Variants in CSMD1 observed in about 807,000 individuals in gnomAD.
CSMD1 encodes CUB and sushi domain-containing protein 1.
In CSMD1, 213 loss-of-function variants were observed where a neutral mutation model predicts 417.5. The ratio of observed to expected loss-of-function variants is 0.51; its 90% CI spans 0.46 to 0.57. The LOEUF (loss-of-function observed/expected upper bound fraction) is 0.57, where lower values mean the gene tolerates loss of function less well. CSMD1 is among the 20% of genes least tolerant of loss of function. The pLI is 0.00. For missense variants in CSMD1, 6,923 were observed against 4,529.7 expected (o/e 1.53, Z -15.17); for synonymous variants, 2,862 against 1,736.8 (o/e 1.65, Z -16.11).
At chr8:4,483,171 C>A (rs1280722337) in intron 2 of CSMD1, among the ~76,000 whole-genome samples, 2 of 152,120 alleles carry the variant, frequency 1.3e-5, no homozygotes, top group Non-Finnish European at 2.9e-5. Flanking sequence ...AAGGGGTAAT[C>A]CATTTCACTT....
At chr8:4,725,985 G>A (rs1044008531) in intron 1 of CSMD1, among the ~76,000 whole-genome samples, 2 of 152,048 alleles carry the variant, frequency 1.3e-5, no homozygotes, top group African/African-American at 2.4e-5. Context: ...TGGAATTTTG[G>A]TATCACGAAC....
chr8:3,772,189 T>TATATATATACAC (rs1377304281), intron 5 of CSMD1, among the ~76,000 whole-genome samples: 3 of 100,912 alleles, frequency 3.0e-5, no homozygotes, highest in African/African-American at 1.2e-4. Flanking sequence ...TATATATATA[T>TATATATATACAC]ACACACACAC....
intron 10 of CSMD1, among the ~76,000 whole-genome samples, chr8:3,548,648 G>A (rs920094041): frequency 7.5e-6 from 1 of 132,996 alleles, no homozygotes; most frequent in Non-Finnish European, 1.6e-5. Flanking sequence ...CGGCTGAGTG[G>A]TATTCCATCA....
intron 2 of CSMD1, among the ~76,000 whole-genome samples, chr8:4,467,123 AAAAAAAAAAAAAAAAAAG>A (rs1283669366): frequency 6.2e-5 from 5 of 80,430 alleles, no homozygotes; most frequent in Non-Finnish European, 8.6e-5. Flanking sequence ...TCTTCAGAGT[AAAAAAAAAAAAAAAAAAG>A]AAAAAAAAAG....
chr8:3,351,089 T>C (rs966134608), intron 21 of CSMD1, among the ~76,000 whole-genome samples: 2 of 152,242 alleles, frequency 1.3e-5, no homozygotes, highest in East Asian at 3.8e-4. Flanking sequence ...TCTATTAGTA[T>C]CTGAATAAGT....
In CSMD1 at chr8:3,075,923, C is replaced by T. The variant is rs533522437; in HGVS notation, c.7474+11174G>A. Among the ~76,000 whole-genome samples, 1,030 of 150,350 alleles carry T rather than the reference C, an allele frequency of 6.9e-3. 9 individuals are homozygous for T. Among genetic ancestry groups the T allele is most frequent in the Middle Eastern group, 0.017 (5 of 292 alleles). ...AAAATTAGCCGGGCGTGGTGGCGGG[C>T]GCCTGTAGTCCCAGCTCCTAGGGAC... is the stretch of plus-strand genomic sequence containing the variant. On this transcript the variant is annotated intron_variant, in intron 49 of 69. Transcript: ENST00000635120.
rs1805165715 is a variant in CSMD1, at chr8:3,867,220, A to T, written c.819-113178T>A. On this transcript the variant is annotated intron_variant, in intron 5 of 69. Transcript: ENST00000635120. Reference sequence around the variant, plus strand: ...TATAGACAAAAGAGTGAATTAATGCATGAATAAATTAGTAACTAGCTAGCT... The same window carrying T: ...TATAGACAAAAGAGTGAATTAATGCTTGAATAAATTAGTAACTAGCTAGCT... 2.0e-5 allele frequency among the ~76,000 whole-genome samples: 3 copies of T among 152,194 alleles called. No homozygotes were observed. The South Asian group carries it at 6.2e-4, about 31-fold the overall frequency.
chr8:3,473,486 C>A (rs1417467823), intron 11 of CSMD1, among the ~76,000 whole-genome samples: 1 of 151,822 alleles, frequency 6.6e-6, no homozygotes, highest in Non-Finnish European at 1.5e-5. Context: ...AACTTTTGTT[C>A]CTCTTTCTGG....
intron 1 of CSMD1, among the ~76,000 whole-genome samples, chr8:4,962,105 T>G (rs1809530690): frequency 1.5e-5 from 1 of 67,448 alleles, no homozygotes. Flanking sequence ...AAGTATGTAT[T>G]TTTTTGTTGT....
At chr8:4,498,583 C>A (rs1354250267) in intron 2 of CSMD1, among the ~76,000 whole-genome samples, 1 of 152,062 alleles carries the variant, frequency 6.6e-6, no homozygotes, top group East Asian at 1.9e-4. Context: ...AAAGATGATT[C>A]AATTATAAAA....
Position 3,569,654 on chromosome 8 carries a change from T to C in CSMD1, c.1344+5291A>G, listed in dbSNP as rs142314554. 5.0e-3 allele frequency among the ~76,000 whole-genome samples: 756 copies of C among 152,360 alleles called. 3 individuals carry two copies. The highest frequency in any genetic ancestry group is 0.024 in the Middle Eastern group (7 of 294). ...ATGTAACTGTTTCTCTTTTCTCTTA[T>C]GTTCAATACGTAATACACTTTCATC... On this transcript the variant is annotated intron_variant, in intron 10 of 69. Coordinates refer to ENST00000635120, the MANE Select transcript of CSMD1 (RefSeq NM_033225.6).
chr8:4,466,088 A>G (rs566595354), intron 2 of CSMD1, among the ~76,000 whole-genome samples: 35 of 152,330 alleles, frequency 2.3e-4, no homozygotes, highest in African/African-American at 7.9e-4. Context: ...GAGAGATTAA[A>G]TATCATGACA....
intron 3 of CSMD1, among the ~76,000 whole-genome samples, chr8:4,048,490 G>A (rs1158514931): frequency 6.6e-6 from 1 of 152,086 alleles, no homozygotes; most frequent in Non-Finnish European, 1.5e-5. Context: ...TTTTAAAGAT[G>A]AACAAACTGA....
intron 3 of CSMD1, among the ~76,000 whole-genome samples, chr8:4,208,676 A>G (rs1046417155): frequency 1.1e-4 from 16 of 152,232 alleles, no homozygotes; most frequent in Non-Finnish European, 2.1e-4. Flanking sequence ...TATGCAAAAC[A>G]TCATGATGAG....
intron 1 of CSMD1, among the ~76,000 whole-genome samples, chr8:4,914,083 G>A (rs1805881862): frequency 2.0e-5 from 3 of 152,084 alleles, no homozygotes; most frequent in Admixed American, 2.0e-4. Context: ...ACTCAGAGAG[G>A]AAGATTTTAC....
At chr8:4,111,190 T>C (rs6985595) in intron 3 of CSMD1, among the ~76,000 whole-genome samples, 150,606 of 152,206 alleles carry the variant, frequency 0.99, 74,539 homozygotes, top group East Asian at 1. Flanking sequence ...AATATTTTTG[T>C]TGATATTTGT....
chr8:3,052,619 T>A lies in CSMD1; in HGVS notation c.7503A>T (p.Pro2501=), dbSNP rs1811896242. 6.2e-7 allele frequency: 1 copy of A among 1,610,930 alleles called. No individual in the cohort carries two copies. Among genetic ancestry groups the A allele is most frequent in the Non-Finnish European group, 8.5e-7 (1 of 1,178,618 alleles). ...CGTTCCCGGTAAATGAACCGTTTCC[T>A]GGGGATTCTGGGATTCCACAGGACA... ...QAVSCGIPES[P]GNGSFTGNEF... is the part of the protein sequence containing the mutation. The change falls in exon 50 of 70, where the codon CCA becomes CCT. Residue 2501 remains proline, a synonymous_variant. Transcript: ENST00000635120.
At position 3,214,563 on chromosome 8, in the gene CSMD1, A is replaced by G; in HGVS notation, c.4801T>C (p.Ser1601Pro). 3 of 1,590,308 alleles carry G rather than the reference A, an allele frequency of 1.9e-6. No homozygotes were observed. The highest frequency in any genetic ancestry group is 2.6e-6 in the Non-Finnish European group (3 of 1,167,908). Residue 1601 changes from serine (S) to proline (P), a missense_variant, in exon 30 of 70, where the codon TCC becomes CCC. Ser to Pro is a moderately conservative substitution (Grantham distance 74). Coordinates refer to ENST00000635120, the MANE Select transcript of CSMD1 (RefSeq NM_033225.6). ...TCAGCCCCAATCACACAGGTGATGG[A>G]TGAGGGGTCAAGAATCTTATAGCCA... ...DSGYKILDPSSITCVIGADGK... is the reference protein window; with the variant it reads ...DSGYKILDPSPITCVIGADGK...
At chr8:3,662,979 C>A (rs933435248) in intron 7 of CSMD1, among the ~76,000 whole-genome samples, 4 of 152,070 alleles carry the variant, frequency 2.6e-5, no homozygotes, top group Non-Finnish European at 5.9e-5. Flanking sequence ...AGGTTCTGCA[C>A]AAGTATCCCA....
Sources: allele counts gnomAD v4.1 joint callset (sites outside exome capture counted in the v4.1 genomes callset), GRCh38; gene constraint gnomAD v4.1.1; transcripts MANE v1.5; gene names NCBI Gene and HGNC (gene_info 2026-07-23, HGNC 2026-07-21).